The following SUCLG2 variants were observed in gnomAD, a reference collection of about 807,000 sequenced individuals.
SUCLG2 encodes succinate-CoA ligase GDP-forming subunit beta.
Under a neutral mutation model 47.9 loss-of-function variants are expected in SUCLG2, and 42 were observed. That is an observed-to-expected ratio of 0.88 (90% confidence interval 0.69 to 1.14). SUCLG2 has a LOEUF of 1.14. Among genes scored for constraint, SUCLG2 ranks in the 50% most tolerant of loss-of-function variants. SUCLG2 has a pLI of 0.00. For missense variants in SUCLG2, 571 were observed against 525.9 expected (o/e 1.09, Z -0.84); for synonymous variants, 195 against 197.3 (o/e 0.99, Z 0.10).
In SUCLG2 at chr3:67,609,505, A is replaced by G. The variant is rs1303509825; in HGVS notation, c.176T>C (p.Phe59Ser). Residue 59 changes from phenylalanine (F) to serine (S), a missense_variant, in exon 2 of 11, where the codon TTC (phenylalanine) becomes TCC (serine). Coordinates refer to ENST00000307227, the MANE Select transcript of SUCLG2 (RefSeq NM_003848.4). ...TTCATTTGCAGTGTCTGCTACAAAG[A>G]ATCTTTGAACTCTCACTCCGTTGTC... ...MSDNGVRVQRFFVADTANEAL... is the reference protein window; with the variant it reads ...MSDNGVRVQRSFVADTANEAL... 2 of 1,613,554 alleles carry G rather than the reference A, an allele frequency of 1.2e-6. No homozygotes were observed. The highest frequency in any genetic ancestry group is 1.7e-6 in the Non-Finnish European group (2 of 1,179,906).
At chr3:67,503,236 G>A (rs1405403396) in intron 7 of SUCLG2, among the ~76,000 whole-genome samples, 1 of 152,032 alleles carries the variant, frequency 6.6e-6, no homozygotes, top group Non-Finnish European at 1.5e-5. Flanking sequence ...CCACTTGTGT[G>A]AACCAAGTGA....
chr3:67,521,049 G>A (rs548168170), intron 4 of SUCLG2, among the ~76,000 whole-genome samples: 4 of 152,014 alleles, frequency 2.6e-5, no homozygotes, highest in African/African-American at 4.8e-5. Flanking sequence ...TGCCACAGAC[G>A]GATTCTTTTA....
At chr3:67,587,370 T>C (rs1002916426) in intron 2 of SUCLG2, among the ~76,000 whole-genome samples, 1 of 152,226 alleles carries the variant, frequency 6.6e-6, no homozygotes, top group African/African-American at 2.4e-5. Flanking sequence ...AATAAAGTAT[T>C]AAGACATGAG....
At chr3:67,642,376 G>A (rs1310433410) in intron 1 of SUCLG2, among the ~76,000 whole-genome samples, 1 of 152,050 alleles carries the variant, frequency 6.6e-6, no homozygotes, top group Non-Finnish European at 1.5e-5. Context: ...AGGCTGAGGT[G>A]GGAGGATCAC....
chr3:67,570,733 T>G (rs1477023398), intron 2 of SUCLG2, among the ~76,000 whole-genome samples: 2 of 152,102 alleles, frequency 1.3e-5, no homozygotes. Context: ...GACAGGAGGG[T>G]AATGCATCCT....
Position 67,566,287 on chromosome 3 carries a change from A to T in SUCLG2, c.227-37101T>A, listed in dbSNP as rs1260245263. Among the ~76,000 whole-genome samples, 3 of 152,204 alleles carry T rather than the reference A, an allele frequency of 2.0e-5. No individual in the cohort carries two copies. In the East Asian group the frequency reaches 5.8e-4, roughly 29 times the overall value. On this transcript the variant is annotated intron_variant, in intron 2 of 10. Coordinates refer to ENST00000307227, the MANE Select transcript of SUCLG2 (RefSeq NM_003848.4). ...ATCCTAAAAACTTTACAGGAAGAAA[A>T]TGGTTAAGTACGTTTTAATTCATCA...
chr3:67,547,250 C>T (rs989222852), intron 2 of SUCLG2, among the ~76,000 whole-genome samples: 3 of 152,182 alleles, frequency 2.0e-5, no homozygotes, highest in African/African-American at 7.2e-5. Context: ...GCCTCAGACA[C>T]TGCATCAGCC....
At chr3:67,568,215 G>A (rs953246939) in intron 2 of SUCLG2, among the ~76,000 whole-genome samples, 4 of 152,192 alleles carry the variant, frequency 2.6e-5, no homozygotes, top group Non-Finnish European at 5.9e-5. Context: ...AAGAGAATAA[G>A]GAGAATCCAA....
chr3:67,650,327 A>G (rs1701264572), intron 1 of SUCLG2, among the ~76,000 whole-genome samples: 1 of 152,256 alleles, frequency 6.6e-6, no homozygotes. Context: ...GCAGAAAATT[A>G]GGCTGGAGCC....
rs1291339350 is a variant in SUCLG2, at chr3:67,614,461, T to C, written c.85-4865A>G. Among the ~76,000 whole-genome samples, 6 of 151,832 alleles carry C rather than the reference T, an allele frequency of 4.0e-5. No individual in the cohort carries two copies. The East Asian group carries it at 9.8e-4, about 25-fold the overall frequency. On this transcript the variant is annotated intron_variant, in intron 1 of 10. Transcript: ENST00000307227. ...CCTAGACTCGGCCAACACCATTTCC[T>C]TCCTCTCCTATGGCTCACGGAAGAT...
At chr3:67,583,742 C>T (rs954122687) in intron 2 of SUCLG2, among the ~76,000 whole-genome samples, 1 of 152,208 alleles carries the variant, frequency 6.6e-6, no homozygotes, top group South Asian at 2.1e-4. Context: ...GTATCCAGTT[C>T]CTTGACACAA....
At chr3:67,387,516 C>G (rs1331469913) in intron 10 of SUCLG2, among the ~76,000 whole-genome samples, 1 of 152,140 alleles carries the variant, frequency 6.6e-6, no homozygotes, top group East Asian at 1.9e-4. Context: ...GTCACAGAGG[C>G]CCACAATTTA....
At chr3:67,477,372 G>A (rs1453152784) in intron 9 of SUCLG2, among the ~76,000 whole-genome samples, 1 of 152,084 alleles carries the variant, frequency 6.6e-6, no homozygotes, top group East Asian at 1.9e-4. Context: ...CCTCTTCACA[G>A]TACTTCTCAC....
chr3:67,384,936 C>T (rs921062498), intron 10 of SUCLG2, among the ~76,000 whole-genome samples: 1 of 152,216 alleles, frequency 6.6e-6, no homozygotes, highest in African/African-American at 2.4e-5. Context: ...AGTCTTTCCC[C>T]ATAGGTAGTT....
At chr3:67,392,376 C>A (rs1443570833) in intron 10 of SUCLG2, among the ~76,000 whole-genome samples, 1 of 152,196 alleles carries the variant, frequency 6.6e-6, no homozygotes, top group African/African-American at 2.4e-5. Context: ...CTCAAATCTG[C>A]TCCATTGTCT....
intron 9 of SUCLG2, among the ~76,000 whole-genome samples, chr3:67,405,832 G>A (rs914089509): frequency 3.9e-5 from 6 of 152,244 alleles, no homozygotes; most frequent in Non-Finnish European, 5.9e-5. Flanking sequence ...CGTTACTAAA[G>A]CATTTAGCAG....
intron 10 of SUCLG2, among the ~76,000 whole-genome samples, chr3:67,388,232 C>T (rs935289854): frequency 6.6e-6 from 1 of 152,116 alleles, no homozygotes; most frequent in Non-Finnish European, 1.5e-5. Context: ...ACATAGTGAC[C>T]CTTCTTAGCC....
intron 9 of SUCLG2, among the ~76,000 whole-genome samples, chr3:67,413,687 A>T (rs1702975941): frequency 6.6e-6 from 1 of 152,230 alleles, no homozygotes; most frequent in Admixed American, 6.5e-5. Flanking sequence ...AAAGCTCTCA[A>T]ATTCCACATG....
chr3:67,562,996 ATAAAG>A (rs1422832855), intron 2 of SUCLG2, among the ~76,000 whole-genome samples: 7 of 151,578 alleles, frequency 4.6e-5, no homozygotes, highest in Admixed American at 1.3e-4. Context: ...GATTAAATTA[ATAAAG>A]TAATTATATG....
Sources: gnomAD v4.1 joint callset for allele counts (sites outside exome capture counted in the v4.1 genomes callset) on GRCh38, gnomAD v4.1.1 for gene constraint, MANE v1.5 for transcripts, NCBI Gene and HGNC (gene_info 2026-07-23, HGNC 2026-07-21) for gene names.